The following NSUN6 variants were observed in gnomAD, a reference collection of about 807,000 sequenced individuals.
NSUN6 encodes the protein NOP2/Sun RNA methyltransferase 6.
NSUN6 carries 64 observed loss-of-function variants against 58.0 expected under a neutral mutation model. That is an observed-to-expected ratio of 1.10 (90% CI 0.90 to 1.36). The LOEUF (loss-of-function observed/expected upper bound fraction) is 1.36. Among genes scored for constraint, NSUN6 ranks in the 40% most tolerant of loss-of-function variants. NSUN6 has a pLI of 0.00. For synonymous variants in NSUN6, 231 were observed against 193.9 expected, an observed-to-expected ratio of 1.19 and a Z score of -1.59; for missense variants, 701 against 550.1, an observed-to-expected ratio of 1.27 and a Z score of -2.74.
upstream of NSUN6, among the ~76,000 whole-genome samples, chr10:18,655,792 T>A (rs567404797): frequency 4.6e-5 from 7 of 152,230 alleles, no homozygotes; most frequent in African/African-American, 1.4e-4. Flanking sequence ...GCCGAGCCCC[T>A]AAAGGACTAC....
intron 4 of NSUN6, among the ~76,000 whole-genome samples, chr10:18,615,882 G>A (rs111289122): frequency 2.0e-5 from 3 of 151,866 alleles, no homozygotes; most frequent in African/African-American, 7.3e-5. Context: ...GAGGTTTTAA[G>A]GCAATGCAGT....
intron 3 of NSUN6, among the ~76,000 whole-genome samples, chr10:18,629,129 C>A (rs967412304): frequency 4.6e-5 from 7 of 152,108 alleles, no homozygotes; most frequent in African/African-American, 1.7e-4. Context: ...AATTTTCAAC[C>A]CAGAATTTCA....
At chr10:18,631,684 A>T (rs1476107637) in intron 3 of NSUN6, among the ~76,000 whole-genome samples, 1 of 148,262 alleles carries the variant, frequency 6.7e-6, no homozygotes, top group Non-Finnish European at 1.5e-5. Context: ...ATGCCTAGGA[A>T]TCCAACTTAC....
At chr10:18,628,933 A>G (rs1564824561) in intron 3 of NSUN6, among the ~76,000 whole-genome samples, 1 of 152,072 alleles carries the variant, frequency 6.6e-6, no homozygotes, top group South Asian at 2.1e-4. Context: ...GAGAAGAGCA[A>G]CTCCAAGACA....
chr10:18,590,254 T>C (rs11525266), intron 7 of NSUN6, among the ~76,000 whole-genome samples: 53,057 of 152,002 alleles, frequency 0.35, 9,849 homozygotes, highest in East Asian at 0.74. Context: ...CCCAGATTCA[T>C]AAAACAAGTT....
intron 3 of NSUN6, among the ~76,000 whole-genome samples, chr10:18,637,663 C>T (rs890030684): frequency 6.6e-6 from 1 of 152,070 alleles, no homozygotes; most frequent in Admixed American, 6.6e-5. Context: ...TATGCAAGTC[C>T]ACAAATATTG....
rs2054253636 is a variant in NSUN6 at position 18,546,250 on chromosome 10, T to C, written c.1198-105A>G. 6.1e-6 allele frequency: 5 copies of C among 815,072 alleles called. No individual in the cohort carries two copies. In the East Asian group the frequency reaches 1.2e-4, roughly 20 times the overall value. 50.5% of individuals were successfully genotyped at this position (815,072 alleles called of 1,614,324 possible). A position where few individuals can be genotyped will look rare whatever the true frequency, so the allele number is the denominator to read the frequency against. On this transcript the variant is annotated intron_variant, in intron 10 of 10. Coordinates refer to ENST00000377304, the MANE Select transcript of NSUN6 (RefSeq NM_182543.5). ...AAATTGGGCTGTAACGACTACATCT[T>C]CCAAAAATAGAAAAATGAGTAAATG...
intron 1 of NSUN6, 89 bp from the exon 2 acceptor site, chr10:18,648,734 G>A (rs560997618): frequency 2.2e-5 from 16 of 712,760 alleles, no homozygotes; most frequent in East Asian, 5.4e-5. Flanking sequence ...ATGAAACATC[G>A]CTTAGCAATT....
intron 7 of NSUN6, among the ~76,000 whole-genome samples, chr10:18,590,097 G>C (rs935437365): frequency 6.6e-6 from 1 of 152,022 alleles, no homozygotes; most frequent in Non-Finnish European, 1.5e-5. Flanking sequence ...AAAAAAAGTA[G>C]GGGTTGCAAT....
At chr10:18,584,299 T>C (rs1003008409) in intron 8 of NSUN6, among the ~76,000 whole-genome samples, 1 of 152,230 alleles carries the variant, frequency 6.6e-6, no homozygotes, top group Admixed American at 6.5e-5. Flanking sequence ...CTTCCCCCCT[T>C]ACCTTATAAA....
intron 3 of NSUN6, among the ~76,000 whole-genome samples, chr10:18,620,141 G>A (rs2058553177): frequency 6.6e-6 from 1 of 151,146 alleles, no homozygotes; most frequent in Non-Finnish European, 1.5e-5. Context: ...AGGCTGGAGT[G>A]CAGTTGCGCC....
chr10:18,632,103 T>C (rs1418173138), intron 3 of NSUN6, among the ~76,000 whole-genome samples: 1 of 151,146 alleles, frequency 6.6e-6, no homozygotes, highest in Non-Finnish European at 1.5e-5. Flanking sequence ...TAATGCCGCA[T>C]ATCTACAACT....
At chr10:18,604,354 A>C (rs2057966331) in intron 6 of NSUN6, among the ~76,000 whole-genome samples, 1 of 152,212 alleles carries the variant, frequency 6.6e-6, no homozygotes, top group Non-Finnish European at 1.5e-5. Flanking sequence ...CATGCAAAAA[A>C]TCCAGCAGCA....
intron 5 of NSUN6, among the ~76,000 whole-genome samples, chr10:18,613,352 C>A (rs978574422): frequency 6.6e-6 from 1 of 152,134 alleles, no homozygotes; most frequent in Admixed American, 6.6e-5. Flanking sequence ...CCACCTTGGC[C>A]TCTCAAAGTG....
intron 3 of NSUN6, among the ~76,000 whole-genome samples, chr10:18,628,490 G>T (rs1471563517): frequency 1.3e-5 from 2 of 152,140 alleles, no homozygotes; most frequent in African/African-American, 4.8e-5. Flanking sequence ...CAAAGGCATT[G>T]AAGTTGAAAA....
At chr10:18,604,784 G>A (rs1295021956) in intron 6 of NSUN6, among the ~76,000 whole-genome samples, 3 of 151,908 alleles carry the variant, frequency 2.0e-5, no homozygotes, top group Non-Finnish European at 2.9e-5. Context: ...TACTTGGGAA[G>A]CTGAGGCAGG....
chr10:18,573,771 T>C (rs1564743608), intron 8 of NSUN6, among the ~76,000 whole-genome samples: 1 of 152,116 alleles, frequency 6.6e-6, no homozygotes. Flanking sequence ...TTAGGCCACT[T>C]AGTAGGTGCA....
intron 4 of NSUN6, 25 bp from the exon 5 acceptor site, chr10:18,614,638 A>C (rs773415858): frequency 8.1e-7 from 1 of 1,232,038 alleles, no homozygotes. Context: ...AAATCAGATT[A>C]CACTGATTTA....
chr10:18,570,642 A>G (rs1387838366), intron 8 of NSUN6, among the ~76,000 whole-genome samples: 1 of 145,658 alleles, frequency 6.9e-6, no homozygotes, highest in African/African-American at 2.5e-5. Context: ...TCCATTCTCC[A>G]TACCATCATC....
Sources: gnomAD v4.1 joint callset for allele counts (sites outside exome capture counted in the v4.1 genomes callset) on GRCh38, gnomAD v4.1.1 for gene constraint, MANE v1.5 for transcripts, NCBI Gene and HGNC (gene_info 2026-07-23, HGNC 2026-07-21) for gene names.